The following PSPC1 variants were observed in gnomAD, a reference collection of about 807,000 sequenced individuals.
The protein encoded by PSPC1 is paraspeckle protein 1.
In PSPC1, 14 loss-of-function variants were observed where a neutral mutation model predicts 51.6. That is an observed-to-expected ratio of 0.27 (90% CI 0.18 to 0.42). PSPC1 has a LOEUF of 0.42. Among genes scored for constraint, PSPC1 ranks in the 10% least tolerant of loss-of-function variants. The pLI, the probability that PSPC1 is intolerant of heterozygous loss-of-function variation, is 1.00. For missense variants in PSPC1, 406 were observed against 701.1 expected, an observed-to-expected ratio of 0.58 and a Z score of 4.75; for synonymous variants, 193 against 231.9, an observed-to-expected ratio of 0.83 and a Z score of 1.53.
intron 1 of PSPC1, among the ~76,000 whole-genome samples, chr13:19,779,971 C>G (rs1889735296): frequency 2.1e-5 from 3 of 144,926 alleles, no homozygotes; most frequent in Admixed American, 6.7e-5. Context: ...GGGGGTCGGC[C>G]CCCCGCCCGG....
At chr13:19,674,849 C>T (rs1441825673) in exon 8 of PSPC1, 2 of 152,226 alleles carry the variant, frequency 1.3e-5, no homozygotes, top group Non-Finnish European at 2.9e-5. Context: ...GCTAAGAAGT[C>T]AAGACCACTA....
rs397938970 is a variant in PSPC1 at position 19,777,429 on chromosome 13, C to CAAAA, written c.373-4890_373-4887dup. On this transcript the variant is annotated intron_variant, in intron 1 of 8. Coordinates refer to ENST00000338910, the MANE Select transcript of PSPC1 (RefSeq NM_001354909.2). ...TGGGCGACACAGCAAGACCTCAGCT[C>CAAAA]AAAAAAAAAAAAAAAAAAAAAAGAT... Among the ~76,000 whole-genome samples the CAAAA allele has an allele frequency of 6.1e-3, 294 of 47,880 alleles. 2 individuals carry two copies. The highest frequency in any genetic ancestry group is 0.018 in the South Asian group (24 of 1,344). 31.4% of individuals were successfully genotyped at this position (47,880 alleles called of 152,430 possible). A position where few individuals can be genotyped will look rare whatever the true frequency, so the allele number is the denominator to read the frequency against.
At chr13:19,706,543 A>AT (rs1203688815) in intron 7 of PSPC1, among the ~76,000 whole-genome samples, 3 of 152,162 alleles carry the variant, frequency 2.0e-5, no homozygotes, top group Non-Finnish European at 4.4e-5. Flanking sequence ...AATTCCATAA[A>AT]TGGGGACAAC....
At chr13:19,726,938 T>C (rs1883417614) in intron 6 of PSPC1, among the ~76,000 whole-genome samples, 1 of 152,246 alleles carries the variant, frequency 6.6e-6, no homozygotes, top group Admixed American at 6.5e-5. Context: ...ATAAACTGTG[T>C]TGAAACACCT....
chr13:19,759,536 A>G (rs1887416555), intron 2 of PSPC1, 118 bp from the exon 3 acceptor site: 1 of 734,662 alleles, frequency 1.4e-6, no homozygotes, highest in Non-Finnish European at 2.2e-6. Context: ...CACTTGAGAA[A>G]AATGTCTCAG....
chr13:19,712,167 T>A (rs1313993686), intron 6 of PSPC1, among the ~76,000 whole-genome samples: 3 of 152,210 alleles, frequency 2.0e-5, no homozygotes, highest in Non-Finnish European at 4.4e-5. Flanking sequence ...GTAAAATACA[T>A]GGATTTCATA....
chr13:19,743,533 T>C lies in PSPC1; in HGVS notation c.968-1884A>G, dbSNP rs544304558. ...TAAAGTTGCTCCAGCTATTACATGA[T>C]TCAACTGGGATGCCAGGCCAAACCT... is the stretch of plus-strand genomic sequence containing the variant. On this transcript the variant is annotated intron_variant, in intron 4 of 8. Transcript: ENST00000338910. Among the ~76,000 whole-genome samples the C allele has an allele frequency of 2.0e-5, 3 of 152,312 alleles. No individual in the cohort carries two copies. The South Asian group carries it at 6.2e-4, about 32-fold the overall frequency.
At chr13:19,698,461 T>C (rs538315448), downstream of PSPC1, among the ~76,000 whole-genome samples, 5 of 152,058 alleles carry the variant, frequency 3.3e-5, no homozygotes, top group African/African-American at 7.2e-5. Flanking sequence ...ATTTGTCTTA[T>C]TGACTAAATT....
chr13:19,737,831 T>C (rs901950056), intron 5 of PSPC1, among the ~76,000 whole-genome samples: 4 of 152,168 alleles, frequency 2.6e-5, no homozygotes, highest in African/African-American at 9.7e-5. Context: ...ATGCCTGTAA[T>C]ATCAGCGCTT....
chr13:19,693,861 C>T lies in PSPC1; in HGVS notation c.1159-16038G>A, dbSNP rs139179121. ...AAACTTGGCCAGGCGCGGTGGCTCA[C>T]GCCTGTAATCCAAGCACTTTGGGAG... On this transcript the variant is annotated intron_variant and NMD_transcript_variant, in intron 6 of 7. Transcript: ENST00000471658. 1.8e-4 allele frequency among the ~76,000 whole-genome samples: 27 copies of T among 152,202 alleles called. No homozygotes were observed. In the East Asian group the frequency reaches 4.6e-3, roughly 26 times the overall value.
rs554147857 is a variant in PSPC1, at chr13:19,687,694, C to A, written c.1159-9871G>T. ...CCCAGTCGTGACCATATCATAATCA[C>A]TCCACGTCTTGATTTCTGCCCTTCT... On this transcript the variant is annotated intron_variant and NMD_transcript_variant, in intron 6 of 7. Coordinates refer to the PSPC1 transcript ENST00000471658. Among the ~76,000 whole-genome samples, 5 of 48,770 alleles carry A rather than the reference C, an allele frequency of 1.0e-4. No individual in the cohort carries two copies. The East Asian group carries it at 3.3e-3, about 32-fold the overall frequency. The allele number at this position is 48,770 out of a possible 152,430, so 32.0% of individuals were successfully genotyped here. A position where few individuals can be genotyped will look rare whatever the true frequency, so the allele number is the denominator to read the frequency against.
downstream of PSPC1, among the ~76,000 whole-genome samples, chr13:19,702,044 C>A (rs757524857): frequency 2.0e-5 from 3 of 152,128 alleles, no homozygotes; most frequent in Non-Finnish European, 4.4e-5. Flanking sequence ...TCCAATGACT[C>A]TAGCCATTCT....
At chr13:19,678,973 G>A (rs1876974777) in intron 6 of PSPC1, 1 of 152,200 alleles carries the variant, frequency 6.6e-6, no homozygotes, top group Non-Finnish European at 1.5e-5. Flanking sequence ...AAGCTCGTAT[G>A]GAACTCCTGA....
intron 6 of PSPC1, among the ~76,000 whole-genome samples, chr13:19,710,153 C>A (rs1881208780): frequency 6.6e-6 from 1 of 152,078 alleles, no homozygotes; most frequent in Admixed American, 6.5e-5. Context: ...CATCCAGGGA[C>A]TATAGATAGC....
intron 6 of PSPC1, among the ~76,000 whole-genome samples, chr13:19,715,647 G>A (rs957184484): frequency 6.6e-6 from 1 of 152,070 alleles, no homozygotes; most frequent in African/African-American, 2.4e-5. Context: ...TATAATCCCA[G>A]CACTTTGGGA....
At chr13:19,735,001 C>CAAAAA (rs201828333) in intron 5 of PSPC1, among the ~76,000 whole-genome samples, 1 of 149,684 alleles carries the variant, frequency 6.7e-6, no homozygotes, top group South Asian at 2.1e-4. Context: ...AACAAACAAA[C>CAAAAA]AAAAAAAACA....
At chr13:19,694,528 T>C (rs1565965801) in intron 6 of PSPC1, among the ~76,000 whole-genome samples, 2 of 152,236 alleles carry the variant, frequency 1.3e-5, no homozygotes, top group Non-Finnish European at 2.9e-5. Flanking sequence ...TCTTCGTAAG[T>C]CTGCAAATCT....
chr13:19,711,099 G>C (rs534529217), intron 6 of PSPC1, among the ~76,000 whole-genome samples: 4 of 152,082 alleles, frequency 2.6e-5, no homozygotes, highest in African/African-American at 9.7e-5. Flanking sequence ...CCTCACGCTC[G>C]CAATGTGCTG....
intron 5 of PSPC1, among the ~76,000 whole-genome samples, chr13:19,736,533 A>C (rs893454805): frequency 6.6e-6 from 1 of 151,978 alleles, no homozygotes; most frequent in Non-Finnish European, 1.5e-5. Context: ...AATACAAAAA[A>C]TTAGCCAGGT....
Sources: gnomAD v4.1 joint callset for allele counts (sites outside exome capture counted in the v4.1 genomes callset) on GRCh38, gnomAD v4.1.1 for gene constraint, MANE v1.5 for transcripts, NCBI Gene and HGNC (gene_info 2026-07-23, HGNC 2026-07-21) for gene names.